Variants in PHF20 observed in about 807,000 individuals in gnomAD.
PHF20 encodes the protein PHD finger protein 20.
Under a neutral mutation model 113.5 loss-of-function variants are expected in PHF20, and 23 were observed. The ratio of observed to expected loss-of-function variants is 0.20; its 90% confidence interval spans 0.15 to 0.29. The LOEUF is 0.29. Among genes scored for constraint, PHF20 ranks in the 10% least tolerant of loss-of-function variants. The pLI, the probability that PHF20 is intolerant of heterozygous loss-of-function variation, is 1.00. For synonymous variants in PHF20, 434 were observed against 457.3 expected (o/e 0.95, Z 0.65); for missense variants, 943 against 1,219.6 (o/e 0.77, Z 3.38).
Position 35,899,402 on chromosome 20 carries a change from G to A in PHF20, c.1315G>A (p.Gly439Arg), listed in dbSNP as rs751429722. 4 of 1,611,158 alleles carry A rather than the reference G, an allele frequency of 2.5e-6. No homozygotes were observed. In the South Asian group the frequency reaches 4.4e-5, roughly 18 times the overall value. ...TACTTTTAAGAAAACAGATGATTTT[G>A]GGTCATCTAATGCACCAGCTGTCGA... The part of the protein sequence containing the change: ...TNTFKKTDDF[G>R]SSNAPAVDLD... Residue 439 changes from glycine to arginine, a missense_variant, in exon 10 of 18, where the codon GGG (glycine) becomes AGG (arginine). Gly to Arg is a moderately radical substitution (Grantham distance 125). Coordinates refer to ENST00000374012, the MANE Select transcript of PHF20 (RefSeq NM_016436.5).
intron 2 of PHF20, among the ~76,000 whole-genome samples, chr20:35,815,051 C>G (rs376690656): frequency 8.0e-5 from 12 of 150,678 alleles, no homozygotes; most frequent in African/African-American, 2.2e-4. Flanking sequence ...CAAAAATTAG[C>G]CGGGTGTGGT....
intron 2 of PHF20, among the ~76,000 whole-genome samples, chr20:35,825,975 C>CT (rs1486454622): frequency 3.3e-5 from 5 of 152,140 alleles, no homozygotes; most frequent in African/African-American, 9.7e-5. Context: ...ACTCCGGAAG[C>CT]TTTTTTGTCC....
chr20:35,895,310 C>CA (rs1568724070), intron 9 of PHF20, among the ~76,000 whole-genome samples: 2 of 152,070 alleles, frequency 1.3e-5, no homozygotes, highest in African/African-American at 4.8e-5. Context: ...AGGTGTGAGC[C>CA]ACCGTGCCCC....
intron 9 of PHF20, among the ~76,000 whole-genome samples, chr20:35,880,411 G>C (rs1301442334): frequency 6.6e-6 from 1 of 152,146 alleles, no homozygotes; most frequent in African/African-American, 2.4e-5. Flanking sequence ...TTGCTTTGAG[G>C]AATTTACTGA....
At chr20:35,913,411 C>A in intron 11 of PHF20, 64 bp downstream of exon 11, 2 of 1,137,394 alleles carry the variant, frequency 1.8e-6, no homozygotes, top group Non-Finnish European at 2.6e-6. Context: ...GGGTTGCTTT[C>A]TCCCATTATG....
At chr20:35,920,207 A>G (rs540320965) in intron 13 of PHF20, among the ~76,000 whole-genome samples, 8 of 152,340 alleles carry the variant, frequency 5.3e-5, no homozygotes, top group Non-Finnish European at 1.2e-4. Flanking sequence ...ATTCTTGGTT[A>G]ATGGAATCAC....
Position 35,941,034 on chromosome 20 carries a change from G to A in PHF20, c.2883G>A (p.Glu961=), listed in dbSNP as rs1330021566. ...DEVTHRMDSI[E]KELDVLESWL... ...TTACGCACAGGATGGACTCCATTGA[G>A]AAGGAGTTGGATGGTAGGGCTCCTT... The change falls in exon 17 of 18, where the codon GAG becomes GAA. Residue 961 remains glutamate, a synonymous_variant. Coordinates refer to ENST00000374012, the MANE Select transcript of PHF20 (RefSeq NM_016436.5). 1 of 1,613,448 alleles carries A rather than the reference G, an allele frequency of 6.2e-7. No individual in the cohort carries two copies. Among genetic ancestry groups the A allele is most frequent in the South Asian group, 1.1e-5 (1 of 91,010 alleles).
chr20:35,919,435 G>A (rs57759216), intron 13 of PHF20, among the ~76,000 whole-genome samples: 2,460 of 151,636 alleles, frequency 0.016, 67 homozygotes, highest in African/African-American at 0.056. Context: ...TGCCTCCCGG[G>A]TTCAAGCGAT....
chr20:35,917,480 G>T lies in PHF20; in HGVS notation c.1826-4G>T. On this transcript the variant is annotated splice_polypyrimidine_tract_variant and splice_region_variant and intron_variant, in intron 12 of 17. Transcript: ENST00000374012. Reference sequence around the variant, plus strand: ...AGTAACTGTTGTTTTCCCTTTCCTCGTAGAGGAGGATAATTTGAGTGAGTC... The same window carrying T: ...AGTAACTGTTGTTTTCCCTTTCCTCTTAGAGGAGGATAATTTGAGTGAGTC... 1 of 1,610,564 alleles carries T rather than the reference G, an allele frequency of 6.2e-7. No homozygotes were observed. The highest frequency in any genetic ancestry group is 8.5e-7 in the Non-Finnish European group (1 of 1,177,202).
chr20:35,842,781 G>A (rs750917729), intron 3 of PHF20, 37 bp downstream of exon 3: 3 of 1,581,918 alleles, frequency 1.9e-6, no homozygotes, highest in Non-Finnish European at 2.6e-6. Context: ...TAGTATGCAA[G>A]GTCAGCCATT....
intron 12 of PHF20, among the ~76,000 whole-genome samples, chr20:35,914,641 G>A (rs1302431680): frequency 6.6e-6 from 1 of 152,066 alleles, no homozygotes; most frequent in Non-Finnish European, 1.5e-5. Flanking sequence ...GAATATATAA[G>A]AACTCAACTC....
intron 1 of PHF20, among the ~76,000 whole-genome samples, chr20:35,791,525 T>A (rs908199554): frequency 5.0e-5 from 7 of 141,176 alleles, no homozygotes; most frequent in African/African-American, 1.7e-4. Context: ...TACATATATA[T>A]CTTAGAATAG....
intron 9 of PHF20, among the ~76,000 whole-genome samples, chr20:35,877,303 A>G (rs1390235121): frequency 7.0e-6 from 1 of 143,616 alleles, no homozygotes; most frequent in Non-Finnish European, 1.5e-5. Flanking sequence ...AAAAAAAAAA[A>G]GAGTGAGACT....
intron 13 of PHF20, among the ~76,000 whole-genome samples, chr20:35,918,435 T>C (rs2055447697): frequency 6.6e-6 from 1 of 152,220 alleles, no homozygotes; most frequent in Non-Finnish European, 1.5e-5. Flanking sequence ...GCTTTCAGGC[T>C]CAGAACCTGG....
chr20:35,947,639 C>T lies in PHF20; in HGVS notation c.*12C>T, dbSNP rs1253983800. ...GCTGCTCAACATGAAACTGGGCACCCAAAACTCATGGGGGCACAATCCTGG... is the reference window on the plus strand; with the variant it reads ...GCTGCTCAACATGAAACTGGGCACCTAAAACTCATGGGGGCACAATCCTGG... On this transcript the variant is annotated 3_prime_UTR_variant, in exon 18 of 18. Transcript: ENST00000374012. 2 of 1,611,306 alleles carry T rather than the reference C, an allele frequency of 1.2e-6. No homozygotes were observed. Among genetic ancestry groups the T allele is most frequent in the East Asian group, 2.2e-5 (1 of 44,794 alleles).
chr20:35,809,621 T>C (rs1050569270), intron 2 of PHF20, among the ~76,000 whole-genome samples: 3 of 150,576 alleles, frequency 2.0e-5, no homozygotes, highest in Non-Finnish European at 4.4e-5. Context: ...TGGTGACTCA[T>C]GCCTGTAATC....
At chr20:35,878,357 TG>T (rs1380450187) in intron 9 of PHF20, 1 of 373,102 alleles carries the variant, frequency 2.7e-6, no homozygotes, top group Non-Finnish European at 4.7e-6. Flanking sequence ...GAGAGAAGAA[TG>T]ACAGTGAAAA....
intron 9 of PHF20, among the ~76,000 whole-genome samples, chr20:35,897,590 G>A (rs1260435613): frequency 3.1e-5 from 4 of 131,060 alleles, no homozygotes; most frequent in Non-Finnish European, 6.4e-5. Flanking sequence ...TTTCTGAGAC[G>A]GGGTCTTGCT....
intron 1 of PHF20, among the ~76,000 whole-genome samples, chr20:35,791,375 A>G (rs1176735881): frequency 2.0e-5 from 3 of 151,438 alleles, no homozygotes; most frequent in Non-Finnish European, 4.4e-5. Context: ...CTCATTACAA[A>G]CCTAAGAGGT....
Sources: gnomAD v4.1 joint callset for allele counts (sites outside exome capture counted in the v4.1 genomes callset) on GRCh38, gnomAD v4.1.1 for gene constraint, MANE v1.5 for transcripts, NCBI Gene and HGNC (gene_info 2026-07-23, HGNC 2026-07-21) for gene names.